Variants in MUC6 observed in about 807,000 individuals in gnomAD.
The protein encoded by MUC6 is mucin-6.
A neutral mutation model predicts 201.5 loss-of-function variants in MUC6; 188 were observed. The ratio of observed to expected loss-of-function variants is 0.93; its 90% CI spans 0.83 to 1.05. The LOEUF (loss-of-function observed/expected upper bound fraction) is 1.05. Ranked by LOEUF, MUC6 falls within the 50% of genes least tolerant of loss-of-function variation. The pLI is 0.00. For synonymous variants in MUC6, 1,228 were observed against 1,389.4 expected (o/e 0.88, Z 2.58); for missense variants, 2,706 against 3,256.9 (o/e 0.83, Z 4.12).
At position 1,030,578 on chromosome 11, in the gene MUC6, A is replaced by C; in HGVS notation, c.887T>G (p.Leu296Arg). 6.6e-7 allele frequency: 1 copy of C among 1,507,008 alleles called. No homozygotes were observed. The highest frequency in any genetic ancestry group is 1.3e-5 in the South Asian group (1 of 77,526). 93.4% of individuals were successfully genotyped at this position (1,507,008 alleles called of 1,614,324 possible). Residue 296 changes from leucine (L) to arginine (R), a missense_variant, in exon 7 of 33, where the codon CTG becomes CGG. Leu to Arg is a moderately radical substitution (Grantham distance 102). Coordinates refer to ENST00000421673, the MANE Select transcript of MUC6 (RefSeq NM_005961.3). ...TCTCCCTTCCCTGGACTCACAGCAC[A>C]GGCCGGGGCTCCGCCAGCGGCGGAC... The part of the protein sequence containing the change: ...QPVRRWRSPG[L>R]CSVGQCPANQ...
chr11:1,023,709 C>T lies in MUC6; in HGVS notation c.3383-57G>A. The T allele has an allele frequency of 1.9e-6, 3 of 1,595,022 alleles. No homozygotes were observed. The South Asian group carries it at 3.4e-5, about 18-fold the overall frequency. On this transcript the variant is annotated intron_variant, in intron 25 of 32. Coordinates refer to ENST00000421673, the MANE Select transcript of MUC6 (RefSeq NM_005961.3). ...TTCCTGGCCCTGGCCCTGGCCCTGA[C>T]CCGGTGGTTCCCCTGGGCATGCATG...
chr11:1,027,558 G>A, intron 16 of MUC6, 41 bp from the exon 17 acceptor site: 2 of 1,605,726 alleles, frequency 1.2e-6, no homozygotes, highest in Middle Eastern at 1.8e-4. Flanking sequence ...GGAGGGGGCG[G>A]CCGGGAGGGC....
chr11:1,023,561 C>G lies in MUC6; in HGVS notation c.3474G>C (p.Gln1158His). 1 of 1,607,276 alleles carries G rather than the reference C, an allele frequency of 6.2e-7. No individual in the cohort carries two copies. The highest frequency in any genetic ancestry group is 2.2e-5 in the East Asian group (1 of 44,496). Residue 1158 changes from glutamine (Q) to histidine (H), a missense_variant, in exon 26 of 33, where the codon CAG (glutamine) becomes CAC (histidine). Transcript: ENST00000421673. ...GTGGCTGGCTGGGGCAGAGGCAGGG[C>G]TGGTAGTGCCACGTGCAGTTGGCCT... ...TQEANCTWHY[Q>H]PCLCPSQPQS...
intron 24 of MUC6, among the ~76,000 whole-genome samples, chr11:1,024,522 C>A (rs1856903844): frequency 6.6e-6 from 1 of 152,222 alleles, no homozygotes; most frequent in East Asian, 1.9e-4. Context: ...CGCCCTGCAT[C>A]CTGGAGGTCT....
In MUC6 at chr11:1,027,260, T is replaced by TC; in HGVS notation, c.2231+7dup. Reference sequence around the variant, plus strand: ...GACCCCCCGCCTGGCCCCTGCCCGGTCCCTCACCAGGTGATGCCGTTGATG... The same window carrying TC: ...GACCCCCCGCCTGGCCCCTGCCCGGTCCCCTCACCAGGTGATGCCGTTGATG... On this transcript the variant is annotated splice_region_variant and intron_variant, in intron 17 of 32. Coordinates refer to ENST00000421673, the MANE Select transcript of MUC6 (RefSeq NM_005961.3). 3 of 1,612,146 alleles carry TC rather than the reference T, an allele frequency of 1.9e-6. No homozygotes were observed. The highest frequency in any genetic ancestry group is 8.5e-7 in the Non-Finnish European group (1 of 1,179,794).
In MUC6 at chr11:1,020,202, A is replaced by G; in HGVS notation, c.3696T>C (p.Leu1232=). The G allele has an allele frequency of 6.2e-7, 1 of 1,611,674 alleles. No individual in the cohort carries two copies. Among genetic ancestry groups the G allele is most frequent in the Non-Finnish European group, 8.5e-7 (1 of 1,179,482 alleles). ...PMTGTSTTIG[L]LSSTGPSPSS... ...TGGGTGAGGGTCCGGTGGAGCTGAG[A>G]AGCCCGATGGTGGTGGAGGTTCCCG... is the stretch of plus-strand genomic sequence containing the variant. The change falls in exon 29 of 33, where the codon CTT becomes CTC. Residue 1232 remains leucine, a synonymous_variant. Transcript: ENST00000421673.
In MUC6 at chr11:1,023,551, A is replaced by C; in HGVS notation, c.3484T>G (p.Cys1162Gly). ...GGGACGCTCTGTGGCTGGCTGGGGC[A>C]GAGGCAGGGCTGGTAGTGCCACGTG... The part of the protein sequence containing the change: ...NCTWHYQPCL[C>G]PSQPQSVPGS... Residue 1162 changes from cysteine (C) to glycine (G), a missense_variant, in exon 26 of 33, where the codon TGC becomes GGC. Cys to Gly is a radical substitution (Grantham distance 159). Coordinates refer to ENST00000421673, the MANE Select transcript of MUC6 (RefSeq NM_005961.3). 1 of 1,605,334 alleles carries C rather than the reference A, an allele frequency of 6.2e-7. No homozygotes were observed. Among genetic ancestry groups the C allele is most frequent in the Non-Finnish European group, 8.5e-7 (1 of 1,176,760 alleles).
chr11:1,016,364 G>A lies in MUC6; in HGVS notation c.6437C>T (p.Pro2146Leu), dbSNP rs753670933. 2 of 1,611,940 alleles carry A rather than the reference G, an allele frequency of 1.2e-6. No homozygotes were observed. The highest frequency in any genetic ancestry group is 1.1e-5 in the South Asian group (1 of 90,842). Reference sequence around the variant, plus strand: ...AGTCTGGGGAGAGGAGTGGGAGGAGGGCACATAAGAAGAAACAGTAGAGGG... The same window carrying A: ...AGTCTGGGGAGAGGAGTGGGAGGAGAGCACATAAGAAGAAACAGTAGAGGG... ...SAPSTVSSYV[P>L]SSHSSPQTSS... Residue 2146 changes from proline (P) to leucine (L), a missense_variant, in exon 31 of 33, where the codon CCC becomes CTC. Coordinates refer to ENST00000421673, the MANE Select transcript of MUC6 (RefSeq NM_005961.3).
In MUC6 at chr11:1,026,842, A is replaced by G. The variant is rs972943190; in HGVS notation, c.2394+99T>C. ...GTGGCCAGCCCCAGGCACCCGCTGC[A>G]GGGCAGAATGCGGCCAGGTCTCCCG... On this transcript the variant is annotated intron_variant, in intron 19 of 32. Coordinates refer to ENST00000421673, the MANE Select transcript of MUC6 (RefSeq NM_005961.3). 10 of 1,235,848 alleles carry G rather than the reference A, an allele frequency of 8.1e-6. No homozygotes were observed. The East Asian group carries it at 2.3e-4, about 28-fold the overall frequency. 76.6% of individuals were successfully genotyped at this position (1,235,848 alleles called of 1,614,324 possible).
At chr11:1,026,650 C>G (rs1477978789) in intron 19 of MUC6, among the ~76,000 whole-genome samples, 172 bp from the exon 20 acceptor site, 2 of 152,260 alleles carry the variant, frequency 1.3e-5, no homozygotes, top group African/African-American at 2.4e-5. Flanking sequence ...AAGCTTCCCC[C>G]ACCTCGTGGA....
chr11:1,013,427 C>T lies in MUC6; in HGVS notation c.*29G>A. On this transcript the variant is annotated 3_prime_UTR_variant, in exon 33 of 33. Transcript: ENST00000421673. ...TTCCTGTCTGTCATCTGCAGTCCTTCAGCCCCAGGAGAGCAGGCAGCGACC... is the reference window on the plus strand; with the variant it reads ...TTCCTGTCTGTCATCTGCAGTCCTTTAGCCCCAGGAGAGCAGGCAGCGACC... 6.5e-7 allele frequency: 1 copy of T among 1,545,474 alleles called. No individual in the cohort carries two copies. Among genetic ancestry groups the T allele is most frequent in the Non-Finnish European group, 8.7e-7 (1 of 1,145,326 alleles).
intron 29 of MUC6, 144 bp from the exon 30 acceptor site, chr11:1,019,640 T>G: frequency 1.3e-6 from 1 of 753,670 alleles, no homozygotes; most frequent in Admixed American, 2.4e-5. Context: ...CCTCTTGCCT[T>G]TGTTAGGTCC....
chr11:1,024,475 C>T (rs1012617379), intron 24 of MUC6, among the ~76,000 whole-genome samples: 31 of 152,206 alleles, frequency 2.0e-4, no homozygotes, highest in Non-Finnish European at 3.8e-4. Context: ...CTTACTGCGC[C>T]GCGATGGCCG....
Position 1,026,953 on chromosome 11 carries a change from G to A in MUC6, c.2382C>T (p.Thr794=), listed in dbSNP as rs751069493. The A allele has an allele frequency of 4.4e-6, 7 of 1,589,498 alleles. No individual in the cohort carries two copies. The highest frequency in any genetic ancestry group is 4.6e-5 in the East Asian group (2 of 43,598). Residue 794 remains threonine, a synonymous_variant, in exon 19 of 33, where the codon ACC becomes ACT. Coordinates refer to ENST00000421673, the MANE Select transcript of MUC6 (RefSeq NM_005961.3). ...ACAPTCQMLA[T]GVACVPTKCE... Reference sequence around the variant, plus strand: ...CGCGCCCCCTTACGCAGGCAACACCGGTGGCCAGCATCTGGCATGTGGGGG... The same window carrying A: ...CGCGCCCCCTTACGCAGGCAACACCAGTGGCCAGCATCTGGCATGTGGGGG...
chr11:1,023,049 ATGAATG>A (rs1856855510), intron 26 of MUC6, among the ~76,000 whole-genome samples: 1 of 121,884 alleles, frequency 8.2e-6, no homozygotes, highest in South Asian at 4.8e-4. Context: ...ATGTGCGTGA[ATGAATG>A]TGAATGAGCG....
chr11:1,030,542 C>T, intron 7 of MUC6, 31 bp downstream of exon 7: 1 of 1,469,758 alleles, frequency 6.8e-7, no homozygotes, highest in Non-Finnish European at 9.0e-7. Flanking sequence ...CTCGGCCTTC[C>T]TGCCCCTCCC....
intron 26 of MUC6, among the ~76,000 whole-genome samples, chr11:1,022,201 TCCCTCTG>T (rs1856829363): frequency 1.9e-5 from 2 of 107,374 alleles, no homozygotes; most frequent in Non-Finnish European, 3.8e-5. Flanking sequence ...CCTCACTCAC[TCCCTCTG>T]CCCTCTGCAG....
intron 8 of MUC6, among the ~76,000 whole-genome samples, chr11:1,029,999 G>A (rs1037363579): frequency 2.6e-5 from 4 of 152,208 alleles, no homozygotes; most frequent in East Asian, 1.9e-4. Context: ...CTCACCGCCC[G>A]TGGGTTTGCA....
chr11:1,020,776 TC>T, intron 27 of MUC6, 42 bp from the exon 28 acceptor site: 2 of 1,604,672 alleles, frequency 1.2e-6, no homozygotes. Flanking sequence ...TCTCTAAGCC[TC>T]CCCACCCCGT....
Sources: allele counts gnomAD v4.1 joint callset (sites outside exome capture counted in the v4.1 genomes callset), GRCh38; gene constraint gnomAD v4.1.1; transcripts MANE v1.5; gene names NCBI Gene and HGNC (gene_info 2026-07-23, HGNC 2026-07-21).